RYK: variants seen among roughly 807,000 people sequenced by gnomAD.
RYK encodes inactive tyrosine-protein kinase RYK.
RYK carries 21 observed loss-of-function variants against 70.2 expected under a neutral mutation model. That is an observed-to-expected ratio of 0.30 (90% confidence interval 0.21 to 0.43). The LOEUF (loss-of-function observed/expected upper bound fraction) is 0.43. Among genes scored for constraint, RYK ranks in the 20% least tolerant of loss-of-function variants. The probability of loss-of-function intolerance (pLI) is 1.00; values close to 1 mark genes in which losing one functional copy is unlikely to be tolerated. For missense variants in RYK, 604 were observed against 753.3 expected (o/e 0.80, Z 2.32); for synonymous variants, 267 against 278.0 (o/e 0.96, Z 0.39).
intron 13 of RYK, among the ~76,000 whole-genome samples, chr3:134,164,680 C>A (rs1358997430): frequency 6.6e-6 from 1 of 152,218 alleles, no homozygotes; most frequent in African/African-American, 2.4e-5. Context: ...TATGTTCAGC[C>A]TTAGCTATTA....
chr3:134,239,475 AAAAAG>A (rs2015270212), intron 1 of RYK, among the ~76,000 whole-genome samples: 1 of 152,164 alleles, frequency 6.6e-6, no homozygotes, highest in South Asian at 2.1e-4. Context: ...AAGGGGGAAA[AAAAAG>A]AAAAGAAAAG....
intron 9 of RYK, among the ~76,000 whole-genome samples, chr3:134,186,833 C>T (rs1245686132): frequency 6.6e-6 from 1 of 151,978 alleles, no homozygotes; most frequent in Non-Finnish European, 1.5e-5. Flanking sequence ...CAGTTCTACA[C>T]AGTCTATAGA....
intron 2 of RYK, among the ~76,000 whole-genome samples, chr3:134,221,875 T>A (rs758930614): frequency 6.6e-6 from 1 of 152,160 alleles, no homozygotes; most frequent in Non-Finnish European, 1.5e-5. Flanking sequence ...TCAGAGGCAA[T>A]GTGAAGAATT....
intron 13 of RYK, among the ~76,000 whole-genome samples, chr3:134,162,318 G>T (rs904675081): frequency 6.6e-6 from 1 of 151,390 alleles, no homozygotes; most frequent in African/African-American, 2.4e-5. Context: ...AGAACACAGA[G>T]GAAGGAATAT....
At chr3:134,175,576 A>G (rs376135115) in intron 13 of RYK, 33 bp downstream of exon 13, 10 of 1,593,758 alleles carry the variant, frequency 6.3e-6, no homozygotes, top group African/African-American at 1.4e-5. Flanking sequence ...CTGTTTCTCT[A>G]TTCTTTTGCT....
chr3:134,205,641 A>T (rs1436836240), intron 5 of RYK, among the ~76,000 whole-genome samples: 3 of 151,940 alleles, frequency 2.0e-5, no homozygotes, highest in African/African-American at 7.3e-5. Flanking sequence ...TTTCCTATGC[A>T]TTTTTCCCAT....
At chr3:134,188,660 C>T (rs1326720481) in intron 9 of RYK, among the ~76,000 whole-genome samples, 177 bp downstream of exon 9, 1 of 152,130 alleles carries the variant, frequency 6.6e-6, no homozygotes, top group East Asian at 1.9e-4. Flanking sequence ...TTAATGAGAA[C>T]AACCCAAATT....
At chr3:134,216,522 G>A (rs2014555822) in intron 2 of RYK, among the ~76,000 whole-genome samples, 1 of 152,118 alleles carries the variant, frequency 6.6e-6, no homozygotes, top group South Asian at 2.1e-4. Flanking sequence ...GCCAGGCGCG[G>A]TGGCTCATGC....
Position 134,250,487 on chromosome 3 carries a change from C to T in RYK, c.168G>A (p.Gln56=). 2.3e-6 allele frequency: 3 copies of T among 1,329,986 alleles called. No individual in the cohort carries two copies. The highest frequency in any genetic ancestry group is 2.9e-6 in the Non-Finnish European group (3 of 1,036,150). 82.4% of individuals were successfully genotyped at this position (1,329,986 alleles called of 1,614,324 possible). A position where few individuals can be genotyped will look rare whatever the true frequency, so the allele number is the denominator to read the frequency against. The change falls in exon 1 of 15, where the codon CAG becomes CAA. Residue 56 remains glutamine (Q), a synonymous_variant. Transcript: ENST00000623711. ...AAPAPRPPEL[Q]SASAGPSVSL... ...TCACGCTGGGCCCCGCGGAAGCCGA[C>T]TGCAGCTCCGGGGGCCGCGGGGCGG...
chr3:134,174,189 C>T (rs984236068), intron 13 of RYK, among the ~76,000 whole-genome samples: 3 of 152,166 alleles, frequency 2.0e-5, no homozygotes, highest in African/African-American at 4.8e-5. Flanking sequence ...GCAAGGACTG[C>T]TTCTCCACTA....
At chr3:134,196,372 T>G (rs2013810793) in intron 6 of RYK, among the ~76,000 whole-genome samples, 1 of 152,174 alleles carries the variant, frequency 6.6e-6, no homozygotes, top group African/African-American at 2.4e-5. Flanking sequence ...TCTCCAACTT[T>G]CCTTAATATG....
At chr3:134,234,805 A>C (rs4404422) in intron 1 of RYK, among the ~76,000 whole-genome samples, 46,043 of 151,994 alleles carry the variant, frequency 0.3, 8,502 homozygotes, top group Middle Eastern at 0.46. Flanking sequence ...AAGGTATAAT[A>C]ATCATGAATC....
intron 1 of RYK, among the ~76,000 whole-genome samples, chr3:134,241,250 T>C (rs1375928721): frequency 4.0e-5 from 6 of 151,528 alleles, no homozygotes; most frequent in Admixed American, 3.9e-4. Flanking sequence ...CTCAGGAGCC[T>C]TAGGCACGAC....
intron 9 of RYK, among the ~76,000 whole-genome samples, chr3:134,186,042 T>C (rs1282904991): frequency 2.0e-5 from 3 of 152,226 alleles, no homozygotes; most frequent in Admixed American, 2.0e-4. Flanking sequence ...AAGGGTACTA[T>C]TAAATATATT....
intron 13 of RYK, among the ~76,000 whole-genome samples, chr3:134,168,477 T>C (rs1038787226): frequency 1.3e-5 from 2 of 152,154 alleles, no homozygotes; most frequent in South Asian, 2.1e-4. Flanking sequence ...TGTAGGGACA[T>C]GGACGAAACT....
chr3:134,175,543 G>C lies in RYK; in HGVS notation c.1575+66C>G, dbSNP rs1263299062. On this transcript the variant is annotated intron_variant, in intron 13 of 14. Transcript: ENST00000623711. ...TTTAAAAACCCAAAAGATAAAAATAGTAGAACATTTAAAAACAGAAAGCTG... is the reference window on the plus strand; with the variant it reads ...TTTAAAAACCCAAAAGATAAAAATACTAGAACATTTAAAAACAGAAAGCTG... The C allele has an allele frequency of 3.3e-6, 5 of 1,536,308 alleles. No individual in the cohort carries two copies. In the East Asian group the frequency reaches 9.0e-5, roughly 28 times the overall value.
intron 13 of RYK, among the ~76,000 whole-genome samples, chr3:134,171,916 G>A (rs542954563): frequency 3.3e-5 from 5 of 150,998 alleles, no homozygotes; most frequent in African/African-American, 1.2e-4. Context: ...CAAGCAAATA[G>A]CACTACTTGC....
At chr3:134,223,093 G>C (rs1005723136) in intron 1 of RYK, among the ~76,000 whole-genome samples, 1 of 152,192 alleles carries the variant, frequency 6.6e-6, no homozygotes, top group African/African-American at 2.4e-5. Flanking sequence ...GGCACATGCT[G>C]TCTTCCCTAC....
At chr3:134,234,335 T>C (rs1408953432) in intron 1 of RYK, among the ~76,000 whole-genome samples, 1 of 152,140 alleles carries the variant, frequency 6.6e-6, no homozygotes, top group Non-Finnish European at 1.5e-5. Flanking sequence ...TAATGATAAA[T>C]TATTAATGAT....
Sources: gnomAD v4.1 joint callset for allele counts (sites outside exome capture counted in the v4.1 genomes callset) on GRCh38, gnomAD v4.1.1 for gene constraint, MANE v1.5 for transcripts, NCBI Gene and HGNC (gene_info 2026-07-23, HGNC 2026-07-21) for gene names.